The following PARM1 variants were observed in gnomAD, a reference collection of about 807,000 sequenced individuals.
PARM1 encodes WSC4, cell wall integrity and stress response component 4 homolog.
In PARM1, 14 loss-of-function variants were observed where a neutral mutation model predicts 24.6. That is an observed-to-expected ratio of 0.57 (90% confidence interval 0.38 to 0.89). The LOEUF is 0.89. Ranked by LOEUF, PARM1 falls within the 40% of genes least tolerant of loss-of-function variation. The pLI, the probability that PARM1 is intolerant of heterozygous loss-of-function variation, is 0.00. For synonymous variants in PARM1, 179 were observed against 156.6 expected, an observed-to-expected ratio of 1.14 and a Z score of -1.07; for missense variants, 362 against 380.4, an observed-to-expected ratio of 0.95 and a Z score of 0.40.
At chr4:74,976,039 T>G (rs530667676) in intron 1 of PARM1, among the ~76,000 whole-genome samples, 4 of 152,238 alleles carry the variant, frequency 2.6e-5, no homozygotes, top group East Asian at 1.9e-4. Context: ...TGGTGAGTGA[T>G]TGTGCTACCT....
At chr4:75,042,494 A>G (rs989641016) in intron 3 of PARM1, among the ~76,000 whole-genome samples, 29 of 152,224 alleles carry the variant, frequency 1.9e-4, no homozygotes, top group African/African-American at 7.0e-4. Flanking sequence ...CTACCATTAA[A>G]TAACATTGAC....
At chr4:75,028,055 G>A (rs901907939) in intron 2 of PARM1, among the ~76,000 whole-genome samples, 1 of 152,292 alleles carries the variant, frequency 6.6e-6, no homozygotes, top group South Asian at 2.1e-4. Context: ...TTCCCCAACT[G>A]TAAAATGGAG....
intron 2 of PARM1, among the ~76,000 whole-genome samples, chr4:75,031,311 G>A (rs181308094): frequency 1.3e-5 from 2 of 152,210 alleles, no homozygotes; most frequent in East Asian, 3.9e-4. Flanking sequence ...CTTATATTGG[G>A]CTGTACAAAC....
chr4:74,933,131 A>G lies in PARM1; in HGVS notation c.-197A>G. On this transcript the variant is annotated 5_prime_UTR_variant, in exon 1 of 4. Transcript: ENST00000307428. The stretch of plus-strand genomic sequence containing the variant: ...GGGATGGAGCAGAAGAGCGCGGAGC[A>G]CCGGAGGGCACGCAGCTGACGGAGC... The G allele has an allele frequency of 1.8e-6, 1 of 542,586 alleles. No individual in the cohort carries two copies. Among genetic ancestry groups the G allele is most frequent in the Non-Finnish European group, 3.2e-6 (1 of 309,158 alleles). 33.6% of individuals were successfully genotyped at this position (542,586 alleles called of 1,614,324 possible).
At chr4:74,982,920 C>T (rs1245924256) in intron 1 of PARM1, among the ~76,000 whole-genome samples, 1 of 152,202 alleles carries the variant, frequency 6.6e-6, no homozygotes, top group Non-Finnish European at 1.5e-5. Context: ...ATGAAGTACA[C>T]TTCCTAGTTT....
chr4:74,961,851 A>G (rs187199890), intron 1 of PARM1, among the ~76,000 whole-genome samples: 70 of 152,308 alleles, frequency 4.6e-4, no homozygotes, highest in African/African-American at 1.6e-3. Context: ...AAGAACACTA[A>G]GCAGTAATTT....
chr4:75,030,483 A>G (rs1185203533), intron 2 of PARM1, among the ~76,000 whole-genome samples: 1 of 152,202 alleles, frequency 6.6e-6, no homozygotes, highest in Non-Finnish European at 1.5e-5. Flanking sequence ...ATTAAAAAAA[A>G]GTGGCAAAAT....
At chr4:74,976,855 C>G (rs898553112) in intron 1 of PARM1, among the ~76,000 whole-genome samples, 1 of 152,092 alleles carries the variant, frequency 6.6e-6, no homozygotes, top group Non-Finnish European at 1.5e-5. Flanking sequence ...CCACAGCAGC[C>G]TTACAGAAGA....
intron 1 of PARM1, among the ~76,000 whole-genome samples, chr4:75,008,519 G>A (rs931233568): frequency 6.6e-6 from 1 of 152,150 alleles, no homozygotes; most frequent in African/African-American, 2.4e-5. Context: ...TATCTTAAGT[G>A]GTATCTTGTG....
At chr4:75,025,230 G>C (rs1422105285) in intron 2 of PARM1, among the ~76,000 whole-genome samples, 5 of 152,114 alleles carry the variant, frequency 3.3e-5, no homozygotes, top group East Asian at 1.9e-4. Context: ...CCTGGCCTCT[G>C]GTGTTCCTCA....
chr4:74,955,751 G>T (rs1361094041), intron 1 of PARM1, among the ~76,000 whole-genome samples: 1 of 152,208 alleles, frequency 6.6e-6, no homozygotes, highest in African/African-American at 2.4e-5. Flanking sequence ...TCAAGTTACA[G>T]ATGAAGAAAT....
chr4:74,933,454 T>A (rs1355886634), intron 1 of PARM1, 84 bp downstream of exon 1: 4 of 1,224,316 alleles, frequency 3.3e-6, no homozygotes, highest in African/African-American at 3.0e-5. Flanking sequence ...AGCTAGGAGA[T>A]CCGGCAGTGA....
intron 2 of PARM1, among the ~76,000 whole-genome samples, chr4:75,028,295 A>G (rs1723218852): frequency 6.6e-6 from 1 of 152,216 alleles, no homozygotes; most frequent in African/African-American, 2.4e-5. Context: ...TTCGGCACAC[A>G]CAGAGTTCTA....
At chr4:74,959,681 T>A (rs952007817) in intron 1 of PARM1, among the ~76,000 whole-genome samples, 3 of 152,244 alleles carry the variant, frequency 2.0e-5, no homozygotes, top group Admixed American at 2.0e-4. Flanking sequence ...TTTGTTGTTA[T>A]ACTATTATTA....
intron 1 of PARM1, chr4:74,957,298 G>T (rs1721656647): frequency 1.3e-5 from 2 of 152,164 alleles, no homozygotes; most frequent in South Asian, 4.1e-4. Context: ...AGGTCTTTCT[G>T]CCAATAAATT....
intron 1 of PARM1, 58 bp from the exon 2 acceptor site, chr4:75,012,367 A>C: frequency 6.4e-7 from 1 of 1,558,752 alleles, no homozygotes; most frequent in Non-Finnish European, 8.7e-7. Context: ...CCTTGCCTCT[A>C]TTTCACATAT....
intron 1 of PARM1, among the ~76,000 whole-genome samples, chr4:74,981,520 A>G (rs1057048023): frequency 6.6e-6 from 1 of 152,308 alleles, no homozygotes; most frequent in South Asian, 2.1e-4. Flanking sequence ...ATGCTTTTAC[A>G]CTGTTGGTGG....
chr4:75,033,996 C>A (rs184020600), intron 3 of PARM1, 35 bp downstream of exon 3: 29 of 1,526,802 alleles, frequency 1.9e-5, no homozygotes, highest in Admixed American at 9.5e-5. Context: ...AAAAGGGATT[C>A]TGTTTTGTTG....
At chr4:75,039,358 C>T (rs1360323088) in intron 3 of PARM1, among the ~76,000 whole-genome samples, 1 of 151,958 alleles carries the variant, frequency 6.6e-6, no homozygotes, top group African/African-American at 2.4e-5. Flanking sequence ...AGTGAAACCC[C>T]ATCTCTACTA....
Sources: allele counts gnomAD v4.1 joint callset (sites outside exome capture counted in the v4.1 genomes callset), GRCh38; gene constraint gnomAD v4.1.1; transcripts MANE v1.5; gene names NCBI Gene and HGNC (gene_info 2026-07-23, HGNC 2026-07-21).